The following KCND2 variants were observed in gnomAD, a reference collection of about 807,000 sequenced individuals.
KCND2 encodes the protein potassium voltage-gated channel subfamily D member 2, also known as A-type voltage-gated potassium channel KCND2.
Under a neutral mutation model 54.4 loss-of-function variants are expected in KCND2, and 16 were observed. The ratio of observed to expected loss-of-function variants is 0.29; its 90% CI spans 0.20 to 0.45. The LOEUF is 0.45. Among genes scored for constraint, KCND2 ranks in the 20% least tolerant of loss-of-function variants. The probability of loss-of-function intolerance (pLI) is 1.00; values close to 1 mark genes in which losing one functional copy is unlikely to be tolerated. For synonymous variants in KCND2, 317 were observed against 310.7 expected, an observed-to-expected ratio of 1.02 and a Z score of -0.21; for missense variants, 486 against 824.2, an observed-to-expected ratio of 0.59 and a Z score of 5.02.
At chr7:120,292,482 C>T (rs1799449703) in intron 1 of KCND2, among the ~76,000 whole-genome samples, 1 of 151,810 alleles carries the variant, frequency 6.6e-6, no homozygotes, top group Non-Finnish European at 1.5e-5. Flanking sequence ...TTCAGAGAAT[C>T]ACAGGATCTT....
intron 1 of KCND2, among the ~76,000 whole-genome samples, chr7:120,645,480 G>T (rs974268542): frequency 1.3e-5 from 2 of 152,060 alleles, no homozygotes; most frequent in Non-Finnish European, 2.9e-5. Flanking sequence ...CACATGACAT[G>T]TGCCATACTA....
chr7:120,499,455 G>T (rs574721549), intron 1 of KCND2, among the ~76,000 whole-genome samples: 1 of 151,762 alleles, frequency 6.6e-6, no homozygotes, highest in Admixed American at 6.6e-5. Flanking sequence ...TTTCTATTTT[G>T]TGCACTGTGT....
At chr7:120,309,800 A>G (rs1799709286) in intron 1 of KCND2, among the ~76,000 whole-genome samples, 1 of 151,758 alleles carries the variant, frequency 6.6e-6, no homozygotes, top group East Asian at 1.9e-4. Flanking sequence ...GTCCCTAAAA[A>G]CTCTCTGTAT....
chr7:120,463,955 A>G, intron 1 of KCND2: 1 of 523,142 alleles, frequency 1.9e-6, no homozygotes, highest in Non-Finnish European at 2.4e-6. Flanking sequence ...CGACAGATGG[A>G]TAGATGAATA....
chr7:120,671,801 C>A (rs577949081), intron 1 of KCND2, among the ~76,000 whole-genome samples: 2 of 152,084 alleles, frequency 1.3e-5, no homozygotes, highest in Non-Finnish European at 2.9e-5. Context: ...CAATTAGAAC[C>A]CTCAAACCTG....
intron 1 of KCND2, among the ~76,000 whole-genome samples, chr7:120,620,924 C>A (rs1444853048): frequency 6.6e-6 from 1 of 152,156 alleles, no homozygotes; most frequent in Non-Finnish European, 1.5e-5. Context: ...AAATTTCTAA[C>A]AATGGCAATG....
intron 1 of KCND2, among the ~76,000 whole-genome samples, chr7:120,506,872 A>G (rs1462225792): frequency 1.3e-5 from 2 of 151,830 alleles, no homozygotes; most frequent in Non-Finnish European, 2.9e-5. Flanking sequence ...TTATTTAATT[A>G]CTATCCATGT....
rs567865533 is a variant in KCND2 at position 120,277,727 on chromosome 7, CTTATTT to C, written c.1115+1983_1115+1988del. On this transcript the variant is annotated intron_variant, in intron 1 of 5. Transcript: ENST00000331113. ...TTCCAATTTTTATTTTATTTTGAAG[CTTATTT>C]TTGTTTCAAGGAAAATATGAGACAA... Among the ~76,000 whole-genome samples, 173 of 151,912 alleles carry C rather than the reference CTTATTT, an allele frequency of 1.1e-3. 2 individuals carry two copies. Among genetic ancestry groups the C allele is most frequent in the East Asian group, 4.4e-3 (23 of 5,180 alleles).
intron 1 of KCND2, among the ~76,000 whole-genome samples, chr7:120,703,997 A>G (rs1266392973): frequency 2.0e-5 from 3 of 152,236 alleles, no homozygotes; most frequent in Non-Finnish European, 2.9e-5. Flanking sequence ...ATGGCCAATA[A>G]TAAAAATAGC....
intron 1 of KCND2, among the ~76,000 whole-genome samples, chr7:120,541,347 A>G (rs951208183): frequency 6.6e-6 from 1 of 152,190 alleles, no homozygotes; most frequent in Non-Finnish European, 1.5e-5. Context: ...GCTTTATTAA[A>G]AAAAGAGGTG....
intron 1 of KCND2, among the ~76,000 whole-genome samples, chr7:120,492,549 A>G (rs1223934784): frequency 6.6e-6 from 1 of 152,036 alleles, no homozygotes; most frequent in Admixed American, 6.6e-5. Context: ...CAGTATATTC[A>G]GTGTCTGGCA....
chr7:120,275,021 G>A lies in KCND2; in HGVS notation c.389G>A (p.Gly130Asp). 6.2e-7 allele frequency: 1 copy of A among 1,614,052 alleles called. No homozygotes were observed. The highest frequency in any genetic ancestry group is 8.5e-7 in the Non-Finnish European group (1 of 1,180,030). The change falls in exon 1 of 6, where the codon GGC becomes GAC. Residue 130 changes from glycine (G) to aspartate (D), a missense_variant. By Grantham distance (94) the Gly-to-Asp change is moderately conservative. This residue lies in a region of KCND2 where 231 missense variants were observed against 386.0 expected (regional missense o/e 0.60). Coordinates refer to ENST00000331113, the MANE Select transcript of KCND2 (RefSeq NM_012281.3). ...AFFGLIPEII[G>D]DCCYEEYKDR... ...TTTGGCCTCATCCCGGAAATCATCG[G>A]CGACTGCTGTTATGAGGAGTACAAG...
intron 1 of KCND2, among the ~76,000 whole-genome samples, chr7:120,486,411 T>G (rs137955523): frequency 1.4e-4 from 21 of 152,136 alleles, no homozygotes; most frequent in African/African-American, 5.1e-4. Flanking sequence ...ACTCAGGAAT[T>G]GTAGCTACCA....
intron 1 of KCND2, among the ~76,000 whole-genome samples, chr7:120,405,766 C>A (rs1801344404): frequency 6.6e-6 from 1 of 152,106 alleles, no homozygotes; most frequent in East Asian, 1.9e-4. Flanking sequence ...ACTAATTTGT[C>A]TTTCTAAAGG....
chr7:120,492,002 C>T (rs10488299), intron 1 of KCND2, among the ~76,000 whole-genome samples: 18,260 of 151,858 alleles, frequency 0.12, 1,648 homozygotes, highest in East Asian at 0.49. Flanking sequence ...GGTTGTAGTT[C>T]CCTGTTTTGA....
chr7:120,490,108 T>C (rs1802756971), intron 1 of KCND2, among the ~76,000 whole-genome samples: 1 of 152,136 alleles, frequency 6.6e-6, no homozygotes, highest in East Asian at 1.9e-4. Flanking sequence ...ATAGCAACCC[T>C]GGGCTGAACA....
intron 1 of KCND2, among the ~76,000 whole-genome samples, chr7:120,588,630 C>T (rs766960088): frequency 4.6e-5 from 7 of 152,094 alleles, no homozygotes; most frequent in Non-Finnish European, 7.3e-5. Context: ...TTTACTCCCA[C>T]CTCCTCCTGA....
intron 1 of KCND2, among the ~76,000 whole-genome samples, chr7:120,353,384 G>T (rs551027550): frequency 1.3e-5 from 2 of 151,974 alleles, no homozygotes; most frequent in African/African-American, 4.8e-5. Flanking sequence ...TGTTTATGCC[G>T]CAGGCTTTTA....
chr7:120,424,708 TC>T (rs1801675546), intron 1 of KCND2, among the ~76,000 whole-genome samples: 1 of 152,004 alleles, frequency 6.6e-6, no homozygotes, highest in African/African-American at 2.4e-5. Context: ...AGTCCACAAA[TC>T]CCCTGTAAGA....
Sources: allele counts gnomAD v4.1 joint callset (sites outside exome capture counted in the v4.1 genomes callset), GRCh38; gene constraint gnomAD v4.1.1; regional missense constraint gnomAD v4.1.1; transcripts MANE v1.5; gene names NCBI Gene and HGNC (gene_info 2026-07-23, HGNC 2026-07-21).